SH3BP5: variants seen among roughly 807,000 people sequenced by gnomAD.
The protein encoded by SH3BP5 is SH3 domain binding protein 5.
In SH3BP5, 22 loss-of-function variants were observed where a neutral mutation model predicts 43.3. That is an observed-to-expected ratio of 0.51 (90% CI 0.36 to 0.73). The LOEUF (loss-of-function observed/expected upper bound fraction) is 0.73, where lower values mean the gene tolerates loss of function less well. Among genes scored for constraint, SH3BP5 ranks in the 30% least tolerant of loss-of-function variants. The pLI, the probability that SH3BP5 is intolerant of heterozygous loss-of-function variation, is 0.00. For missense variants in SH3BP5, 529 were observed against 586.9 expected, an observed-to-expected ratio of 0.90 and a Z score of 1.02; for synonymous variants, 255 against 225.8, an observed-to-expected ratio of 1.13 and a Z score of -1.16.
At chr3:15,277,983 C>A (rs1441560183) in intron 3 of SH3BP5, among the ~76,000 whole-genome samples, 1 of 152,120 alleles carries the variant, frequency 6.6e-6, no homozygotes, top group Admixed American at 6.5e-5. Context: ...AGTGACCCTG[C>A]AGGCACGGGG....
intron 3 of SH3BP5, among the ~76,000 whole-genome samples, chr3:15,289,560 G>A (rs1300392453): frequency 2.0e-5 from 3 of 152,232 alleles, no homozygotes. Flanking sequence ...TTAGTTGAGA[G>A]ACGGAATCCT....
intron 2 of SH3BP5, among the ~76,000 whole-genome samples, chr3:15,325,763 T>C (rs898751486): frequency 3.3e-5 from 5 of 152,208 alleles, no homozygotes; most frequent in Non-Finnish European, 5.9e-5. Context: ...CTCACACCTG[T>C]AATCCCAGCA....
intron 1 of SH3BP5, chr3:15,331,784 C>G (rs1698615805): frequency 1.9e-5 from 3 of 154,690 alleles, no homozygotes; most frequent in African/African-American, 7.2e-5. Flanking sequence ...GGCCGGGCAC[C>G]TTGGCAAGTG....
chr3:15,325,589 T>C (rs1053581255), intron 2 of SH3BP5, among the ~76,000 whole-genome samples: 5 of 152,366 alleles, frequency 3.3e-5, no homozygotes, highest in African/African-American at 9.6e-5. Context: ...GTATTTTAAC[T>C]TTTTATTGCG....
rs1698452180 is a variant in SH3BP5, at chr3:15,325,999, A to C, written c.201+4505T>G. ...GTGACACTGCACTCCAGCCTGAGTG[A>C]CAGAGCAAGACCCTGTCTCAATAAA... On this transcript the variant is annotated intron_variant, in intron 2 of 8. Coordinates refer to ENST00000383791, the MANE Select transcript of SH3BP5 (RefSeq NM_004844.5). 2.0e-5 allele frequency among the ~76,000 whole-genome samples: 3 copies of C among 152,296 alleles called. No individual in the cohort carries two copies. The East Asian group carries it at 5.8e-4, about 29-fold the overall frequency.
intron 2 of SH3BP5, among the ~76,000 whole-genome samples, chr3:15,313,212 A>T (rs1234818830): frequency 1.3e-5 from 2 of 152,248 alleles, no homozygotes; most frequent in African/African-American, 4.8e-5. Flanking sequence ...ATAAGCCGAG[A>T]TCATGCCATT....
intron 3 of SH3BP5, among the ~76,000 whole-genome samples, chr3:15,274,854 G>A (rs553165400): frequency 3.3e-5 from 5 of 152,212 alleles, no homozygotes; most frequent in East Asian, 1.9e-4. Flanking sequence ...ACACCCAGTC[G>A]CTACACACTT....
At chr3:15,259,905 G>A (rs972449631) in intron 5 of SH3BP5, 102 bp from the exon 6 acceptor site, 30 of 1,042,306 alleles carry the variant, frequency 2.9e-5, no homozygotes, top group African/African-American at 2.4e-4. Flanking sequence ...TGGCCAGGTC[G>A]TCCTTCCAAT....
At chr3:15,273,272 T>C in intron 3 of SH3BP5, 1 of 985,384 alleles carries the variant, frequency 1.0e-6, no homozygotes, top group Non-Finnish European at 1.2e-6. Context: ...CAGTTATGAA[T>C]CCCTTATTTC....
intron 2 of SH3BP5, among the ~76,000 whole-genome samples, chr3:15,311,234 A>G (rs148706985): frequency 2.4e-4 from 36 of 152,320 alleles, no homozygotes; most frequent in Non-Finnish European, 3.5e-4. Context: ...ACCCTGTAAA[A>G]CAGGCTCAGC....
rs558976470 is a variant in SH3BP5 at position 15,269,144 on chromosome 3, T to C, written c.495+569A>G. Among the ~76,000 whole-genome samples, 8 of 152,198 alleles carry C rather than the reference T, an allele frequency of 5.3e-5. No individual in the cohort carries two copies. In the South Asian group the frequency reaches 1.2e-3, roughly 24 times the overall value. ...AGAGCCAGTAAAGAACCCAATATAA[T>C]GACATAAAACCCAGCAAGCCAAGCT... On this transcript the variant is annotated intron_variant, in intron 4 of 8. Coordinates refer to ENST00000383791, the MANE Select transcript of SH3BP5 (RefSeq NM_004844.5).
At chr3:15,322,081 G>A (rs1698341702) in intron 2 of SH3BP5, among the ~76,000 whole-genome samples, 1 of 152,054 alleles carries the variant, frequency 6.6e-6, no homozygotes, top group African/African-American at 2.4e-5. Flanking sequence ...GTGGGCTCCT[G>A]TAATCCAGCT....
chr3:15,330,206 CCT>C (rs1340474910), intron 2 of SH3BP5, among the ~76,000 whole-genome samples: 2 of 152,218 alleles, frequency 1.3e-5, no homozygotes, highest in African/African-American at 2.4e-5. Flanking sequence ...CTAATTTTCC[CCT>C]GTCCTTTCAG....
At chr3:15,305,991 T>C (rs1168286638) in intron 2 of SH3BP5, among the ~76,000 whole-genome samples, 1 of 144,670 alleles carries the variant, frequency 6.9e-6, no homozygotes, top group East Asian at 2.0e-4. Flanking sequence ...CCCCTCTACC[T>C]CTCCCTCAGG....
intron 3 of SH3BP5, among the ~76,000 whole-genome samples, chr3:15,293,601 T>G (rs1012928830): frequency 1.3e-5 from 2 of 152,202 alleles, no homozygotes; most frequent in African/African-American, 4.8e-5. Flanking sequence ...TAAAAGCCCA[T>G]TCTCCTCAGA....
chr3:15,256,684 A>G, intron 8 of SH3BP5, 169 bp downstream of exon 8: 1 of 778,218 alleles, frequency 1.3e-6, no homozygotes, highest in South Asian at 2.0e-5. Flanking sequence ...GAGCCCCCCC[A>G]GAACAGCACT....
At chr3:15,276,232 T>C (rs1486432270) in intron 3 of SH3BP5, among the ~76,000 whole-genome samples, 1 of 152,102 alleles carries the variant, frequency 6.6e-6, no homozygotes, top group Non-Finnish European at 1.5e-5. Context: ...ACAATGGCTC[T>C]TGGGGAGGAA....
intron 2 of SH3BP5, among the ~76,000 whole-genome samples, chr3:15,326,864 C>G (rs1477005006): frequency 6.6e-6 from 1 of 152,148 alleles, no homozygotes; most frequent in African/African-American, 2.4e-5. Context: ...AGAGCAAATA[C>G]ATGTTAGGTG....
chr3:15,314,879 G>C (rs1195333350), intron 2 of SH3BP5, among the ~76,000 whole-genome samples: 1 of 152,158 alleles, frequency 6.6e-6, no homozygotes, highest in African/African-American at 2.4e-5. Context: ...GGGCCCCTCA[G>C]AGTGTCAGCC....
Sources: allele counts gnomAD v4.1 joint callset (sites outside exome capture counted in the v4.1 genomes callset), GRCh38; gene constraint gnomAD v4.1.1; transcripts MANE v1.5; gene names NCBI Gene and HGNC (gene_info 2026-07-23, HGNC 2026-07-21).